Variants in TBC1D20 observed in about 807,000 individuals in gnomAD.
The protein encoded by TBC1D20 is TBC1 domain family member 20.
A neutral mutation model predicts 41.6 loss-of-function variants in TBC1D20; 12 were observed. The observed-to-expected ratio is 0.29, with a 90% CI of 0.18 to 0.47. TBC1D20 has a LOEUF of 0.47. TBC1D20 is among the 20% of genes least tolerant of loss of function. The probability of loss-of-function intolerance (pLI) is 1.00; values close to 1 mark genes in which losing one functional copy is unlikely to be tolerated. For synonymous variants in TBC1D20, 205 were observed against 204.8 expected (o/e 1.00, Z -0.01); for missense variants, 421 against 517.4 (o/e 0.81, Z 1.81).
chr20:437,427 T>G lies in TBC1D20; in HGVS notation c.*1159A>C, dbSNP rs1297321022. 1 of 152,618 alleles carries G rather than the reference T, an allele frequency of 6.6e-6. No individual in the cohort carries two copies. Among genetic ancestry groups the G allele is most frequent in the Non-Finnish European group, 1.5e-5 (1 of 68,040 alleles). The allele number at this position is 152,618 out of a possible 1,614,324, so 9.5% of individuals were successfully genotyped here. ...GGCCAGAGTGAATCTAAAACAAACCTGGCTTTGCTTACAGGGAAGCTGTCC... is the reference window on the plus strand; with the variant it reads ...GGCCAGAGTGAATCTAAAACAAACCGGGCTTTGCTTACAGGGAAGCTGTCC... On this transcript the variant is annotated 3_prime_UTR_variant, in exon 8 of 8. Coordinates refer to ENST00000354200, the MANE Select transcript of TBC1D20 (RefSeq NM_144628.4).
chr20:445,413 C>T lies in TBC1D20; in HGVS notation c.257-283G>A, dbSNP rs1884745. ...AAAGACGTAAGGAGGCCAGGCGCCTCGTGCAGAAGGCCACTGTGCATCACT... is the reference window on the plus strand; with the variant it reads ...AAAGACGTAAGGAGGCCAGGCGCCTTGTGCAGAAGGCCACTGTGCATCACT... On this transcript the variant is annotated intron_variant, in intron 2 of 7. Transcript: ENST00000354200. Among the ~76,000 whole-genome samples the T allele has an allele frequency of 0.064, 9,739 of 152,228 alleles. 373 individuals carry two copies. The highest frequency in any genetic ancestry group is 0.11 in the African/African-American group (4,560 of 41,518).
chr20:440,421 C>G, intron 5 of TBC1D20, 32 bp from the exon 6 acceptor site: 1 of 1,612,584 alleles, frequency 6.2e-7, no homozygotes, highest in Non-Finnish European at 8.5e-7. Flanking sequence ...GTGTCAGGTC[C>G]TGTGGGCCAT....
At position 442,005 on chromosome 20, in the gene TBC1D20, G is replaced by C; in HGVS notation, c.376C>G (p.Leu126Val). The change falls in exon 4 of 8, where the codon CTG (leucine) becomes GTG (valine). Residue 126 changes from leucine to valine, a missense_variant. Transcript: ENST00000354200. ...AAGATGAGGAGGATGATGTCAATCA[G>C]TTCTTCCTGGAGCCCTTCTCTCTGT... is the stretch of plus-strand genomic sequence containing the variant. ...EEQREGLQEE[L>V]IDIILLILER... The C allele has an allele frequency of 6.2e-7, 1 of 1,614,002 alleles. No homozygotes were observed. The highest frequency in any genetic ancestry group is 8.5e-7 in the Non-Finnish European group (1 of 1,179,968).
chr20:447,362 T>TA (rs2017355933), intron 2 of TBC1D20, among the ~76,000 whole-genome samples: 1 of 151,358 alleles, frequency 6.6e-6, no homozygotes, highest in Admixed American at 6.6e-5. Flanking sequence ...TAATCCCTAA[T>TA]AAAAAAAGAA....
At position 462,361 on chromosome 20, in the gene TBC1D20, G is replaced by A. The variant is rs747504204; in HGVS notation, c.45C>T (p.His15=). Residue 15 remains histidine (H), a synonymous_variant, in exon 1 of 8, where the codon CAC becomes CAT. Coordinates refer to ENST00000354200, the MANE Select transcript of TBC1D20 (RefSeq NM_144628.4). ...SAQGDGPTSG[H]WDGGAEKADF... is the part of the protein sequence containing the mutation. ...CTGCCTTCTCCGCGCCGCCGTCCCA[G>A]TGGCCGGAGGTGGGGCCGTCGCCCT... is the stretch of plus-strand genomic sequence containing the variant. 1.1e-5 allele frequency: 14 copies of A among 1,306,304 alleles called. No individual in the cohort carries two copies. The South Asian group carries it at 1.1e-4, about 11-fold the overall frequency. 80.9% of individuals were successfully genotyped at this position (1,306,304 alleles called of 1,614,324 possible). A position where few individuals can be genotyped will look rare whatever the true frequency, so the allele number is the denominator to read the frequency against.
At chr20:462,309 T>C (rs1402862019) in intron 1 of TBC1D20, 27 bp downstream of exon 1, 5 of 1,273,026 alleles carry the variant, frequency 3.9e-6, no homozygotes, top group Non-Finnish European at 4.0e-6. Context: ...CGCAGGCCGC[T>C]CCCGGCGCCC....
At position 447,124 on chromosome 20, in the gene TBC1D20, T is replaced by C. The variant is rs1200861950; in HGVS notation, c.256+765A>G. 5.0e-5 allele frequency among the ~76,000 whole-genome samples: 6 copies of C among 119,436 alleles called. No homozygotes were observed. The South Asian group carries it at 1.6e-3, about 31-fold the overall frequency. 78.4% of individuals were successfully genotyped at this position (119,436 alleles called of 152,430 possible). A position where few individuals can be genotyped will look rare whatever the true frequency, so the allele number is the denominator to read the frequency against. ...CCACCATACCTGGCTAATGTTCGTA[T>C]TTTTTTTTTTTTTTTTTAGTAGAGA... On this transcript the variant is annotated intron_variant, in intron 2 of 7. Coordinates refer to ENST00000354200, the MANE Select transcript of TBC1D20 (RefSeq NM_144628.4).
chr20:439,099 C>A lies in TBC1D20; in HGVS notation c.956+9G>T. 1 of 1,606,388 alleles carries A rather than the reference C, an allele frequency of 6.2e-7. No individual in the cohort carries two copies. The highest frequency in any genetic ancestry group is 1.1e-5 in the South Asian group (1 of 89,824). On this transcript the variant is annotated intron_variant, in intron 7 of 7. Transcript: ENST00000354200. The surrounding 1 kb of genome is among the most constrained non-coding windows in gnomAD (Gnocchi z 4.6). ...ACCCCCATTCAACCAGTGTCCCAGC[C>A]TTGCTCACCTCTCAGCTTGCTGTTG...
At chr20:438,907 C>A in intron 7 of TBC1D20, 66 bp from the exon 8 acceptor site, 1 of 1,581,936 alleles carries the variant, frequency 6.3e-7, no homozygotes, top group Admixed American at 1.7e-5. Flanking sequence ...AAAACTACAC[C>A]ACATAGGCTG....
intron 6 of TBC1D20, 98 bp downstream of exon 6, chr20:440,150 T>C (rs2017199591): frequency 4.1e-6 from 6 of 1,473,338 alleles, no homozygotes; most frequent in Non-Finnish European, 5.5e-6. Context: ...TGCTGTCTTT[T>C]GCATCTTTCC....
chr20:438,479 A>T lies in TBC1D20; in HGVS notation c.*107T>A. On this transcript the variant is annotated 3_prime_UTR_variant, in exon 8 of 8. Coordinates refer to ENST00000354200, the MANE Select transcript of TBC1D20 (RefSeq NM_144628.4). ...GGCAGGGCAGGGTGGCAGGAATAAAAAACTCTGGACAGAAACCCTTTTAAT... is the reference window on the plus strand; with the variant it reads ...GGCAGGGCAGGGTGGCAGGAATAAATAACTCTGGACAGAAACCCTTTTAAT... 7.3e-7 allele frequency: 1 copy of T among 1,377,638 alleles called. No homozygotes were observed. Among genetic ancestry groups the T allele is most frequent in the Non-Finnish European group, 9.9e-7 (1 of 1,014,118 alleles). The allele number at this position is 1,377,638 out of a possible 1,614,324, so 85.3% of individuals were successfully genotyped here. A position where few individuals can be genotyped will look rare whatever the true frequency, so the allele number is the denominator to read the frequency against.
intron 1 of TBC1D20, 77 bp downstream of exon 1, chr20:462,259 C>T (rs2017645566): frequency 3.8e-6 from 4 of 1,064,328 alleles, no homozygotes; most frequent in South Asian, 7.9e-5. Flanking sequence ...GCCCCTCCGG[C>T]GCCGCCTCCG....
chr20:453,069 C>A (rs752049265), intron 1 of TBC1D20, among the ~76,000 whole-genome samples: 1 of 141,346 alleles, frequency 7.1e-6, no homozygotes, highest in African/African-American at 2.7e-5. Context: ...TCGCTTGAAC[C>A]CAGGGGGCGG....
rs538662612 is a variant in TBC1D20, at chr20:438,968, T to G, written c.957-127A>C. On this transcript the variant is annotated intron_variant, in intron 7 of 7. Coordinates refer to ENST00000354200, the MANE Select transcript of TBC1D20 (RefSeq NM_144628.4). ...AAGCTCTTTATGATAAAGACCCATA[T>G]GTCTACAGTGGGGATTCCACTGGCC... is the stretch of plus-strand genomic sequence containing the variant. 6.1e-5 allele frequency: 89 copies of G among 1,457,378 alleles called. No homozygotes were observed. In the Middle Eastern group the frequency reaches 1.5e-3, roughly 24 times the overall value. The allele number at this position is 1,457,378 out of a possible 1,614,324, so 90.3% of individuals were successfully genotyped here. A position where few individuals can be genotyped will look rare whatever the true frequency, so the allele number is the denominator to read the frequency against.
At position 438,031 on chromosome 20, in the gene TBC1D20, C is replaced by T. The variant is rs1199203936; in HGVS notation, c.*555G>A. 2 of 153,422 alleles carry T rather than the reference C, an allele frequency of 1.3e-5. No homozygotes were observed. The highest frequency in any genetic ancestry group is 6.5e-5 in the Admixed American group (1 of 15,482). 9.5% of individuals were successfully genotyped at this position (153,422 alleles called of 1,614,324 possible). A position where few individuals can be genotyped will look rare whatever the true frequency, so the allele number is the denominator to read the frequency against. ...GTAGGATTTAACGAGTAACCTAGTTCCCTTCTGTCTCTGATTTCTGATCAG... is the reference window on the plus strand; with the variant it reads ...GTAGGATTTAACGAGTAACCTAGTTTCCTTCTGTCTCTGATTTCTGATCAG... On this transcript the variant is annotated 3_prime_UTR_variant, in exon 8 of 8. Coordinates refer to ENST00000354200, the MANE Select transcript of TBC1D20 (RefSeq NM_144628.4).
Position 462,359 on chromosome 20 carries a change from C to T in TBC1D20, c.47G>A (p.Trp16Ter). 1 of 1,307,960 alleles carries T rather than the reference C, an allele frequency of 7.6e-7. No homozygotes were observed. The allele number at this position is 1,307,960 out of a possible 1,614,324, so 81.0% of individuals were successfully genotyped here. The change falls in exon 1 of 8, where the codon TGG becomes TAG. Residue 16 changes from tryptophan (W) to a stop codon, truncating the protein, a stop_gained. Coordinates refer to ENST00000354200, the MANE Select transcript of TBC1D20 (RefSeq NM_144628.4). LOFTEE classifies it high-confidence loss of function. ...AQGDGPTSGH[W>*]DGGAEKADFN... ...ACCTGCCTTCTCCGCGCCGCCGTCC[C>T]AGTGGCCGGAGGTGGGGCCGTCGCC... is the stretch of plus-strand genomic sequence containing the variant.
At chr20:457,521 T>C (rs371466703) in intron 1 of TBC1D20, among the ~76,000 whole-genome samples, 17 of 152,304 alleles carry the variant, frequency 1.1e-4, no homozygotes, top group African/African-American at 4.1e-4. Flanking sequence ...CACACTGGGC[T>C]CTGGTACGTT....
Position 441,533 on chromosome 20 carries a change from T to TG in TBC1D20, c.626+54dup, listed in dbSNP as rs1202447869. The TG allele has an allele frequency of 6.4e-5, 91 of 1,422,070 alleles. 1 individual carries two copies. The highest frequency in any genetic ancestry group is 1.7e-4 in the Middle Eastern group (1 of 5,724). The allele number at this position is 1,422,070 out of a possible 1,614,324, so 88.1% of individuals were successfully genotyped here. The stretch of plus-strand genomic sequence containing the variant: ...CGGCTTGTGAGGAGTGTTTCAGGTG[T>TG]GGGGGGGTGTGGGCGTGTGTATGCA... On this transcript the variant is annotated intron_variant, in intron 5 of 7. Transcript: ENST00000354200.
At chr20:456,571 C>CT (rs11475018) in intron 1 of TBC1D20, among the ~76,000 whole-genome samples, 23 of 150,178 alleles carry the variant, frequency 1.5e-4, no homozygotes, top group African/African-American at 5.2e-4. Flanking sequence ...TTTTCTTCTT[C>CT]TTTTTTTTTG....
Sources: allele counts gnomAD v4.1 joint callset (sites outside exome capture counted in the v4.1 genomes callset), GRCh38; gene constraint gnomAD v4.1.1; non-coding constraint Gnocchi (gnomAD v3.1); transcripts MANE v1.5; gene names NCBI Gene and HGNC (gene_info 2026-07-23, HGNC 2026-07-21).